UBE2E3: variants seen among roughly 807,000 people sequenced by gnomAD.
UBE2E3 encodes the protein ubiquitin conjugating enzyme E2 E3, also known as ubiquitin-conjugating enzyme E2 E3.
Under a neutral mutation model 23.6 loss-of-function variants are expected in UBE2E3, and 5 were observed. That is an observed-to-expected ratio of 0.21 (90% CI 0.11 to 0.44). The LOEUF (loss-of-function observed/expected upper bound fraction) is 0.44. Among genes scored for constraint, UBE2E3 ranks in the 20% least tolerant of loss-of-function variants. The pLI is 0.99. For missense variants in UBE2E3, 81 were observed against 249.8 expected (o/e 0.32, Z 4.55); for synonymous variants, 78 against 87.5 (o/e 0.89, Z 0.60).
chr2:181,006,401 C>A (rs1685148209), intron 3 of UBE2E3, among the ~76,000 whole-genome samples: 1 of 150,622 alleles, frequency 6.6e-6, no homozygotes. Context: ...TTGCCTTCCA[C>A]CTTTTGCCGT....
intron 3 of UBE2E3, among the ~76,000 whole-genome samples, chr2:181,029,258 T>A (rs530633021): frequency 6.6e-6 from 1 of 152,126 alleles, no homozygotes; most frequent in Admixed American, 6.5e-5. Flanking sequence ...AGGACAAGTA[T>A]CTGTATTTTC....
intron 3 of UBE2E3, among the ~76,000 whole-genome samples, chr2:181,031,129 T>G (rs894074148): frequency 3.3e-5 from 5 of 152,196 alleles, no homozygotes; most frequent in African/African-American, 1.2e-4. Flanking sequence ...TCATACTATT[T>G]TTTTAAAAAA....
chr2:181,056,274 GC>G (rs915238762), intron 3 of UBE2E3, among the ~76,000 whole-genome samples: 26 of 151,684 alleles, frequency 1.7e-4, no homozygotes, highest in Non-Finnish European at 3.5e-4. Flanking sequence ...AGGAGAAGAG[GC>G]TCAAGGGGTA....
chr2:181,038,585 C>T lies in UBE2E3; in HGVS notation c.246-19108C>T, dbSNP rs142403586. Among the ~76,000 whole-genome samples, 192 of 152,130 alleles carry T rather than the reference C, an allele frequency of 1.3e-3. 1 individual carries two copies. Among genetic ancestry groups the T allele is most frequent in the African/African-American group, 4.2e-3 (174 of 41,506 alleles). The stretch of plus-strand genomic sequence containing the variant: ...AAGTAAAAATCTCTTAGGACAAAAG[C>T]AAGAAATAAAATAATTGGCAGGTGG... On this transcript the variant is annotated intron_variant, in intron 3 of 5. Coordinates refer to ENST00000410062, the MANE Select transcript of UBE2E3 (RefSeq NM_006357.4).
chr2:180,995,163 C>G (rs886822758), intron 3 of UBE2E3, among the ~76,000 whole-genome samples: 1 of 151,976 alleles, frequency 6.6e-6, no homozygotes, highest in Non-Finnish European at 1.5e-5. Flanking sequence ...GTGTATTTTA[C>G]TGTGTTTCGT....
chr2:181,021,440 TCTCC>T (rs1319210393), intron 3 of UBE2E3, among the ~76,000 whole-genome samples: 3 of 101,448 alleles, frequency 3.0e-5, no homozygotes, highest in Non-Finnish European at 6.3e-5. Context: ...TTCCTTCCTT[TCTCC>T]CTCCCTCCCT....
intron 3 of UBE2E3, among the ~76,000 whole-genome samples, chr2:180,999,084 A>C (rs1047644070): frequency 2.6e-5 from 4 of 152,150 alleles, no homozygotes; most frequent in Admixed American, 6.5e-5. Context: ...TGAATCCCTA[A>C]ACATAACACC....
At chr2:181,021,726 T>C (rs1404020775) in intron 3 of UBE2E3, among the ~76,000 whole-genome samples, 1 of 149,828 alleles carries the variant, frequency 6.7e-6, no homozygotes, top group Non-Finnish European at 1.5e-5. Flanking sequence ...TCTGTGGTCA[T>C]GGAACCATAT....
rs368124852 is a variant in UBE2E3, at chr2:181,059,146, G to T, written c.378+1321G>T. Among the ~76,000 whole-genome samples, 42 of 151,792 alleles carry T rather than the reference G, an allele frequency of 2.8e-4. No homozygotes were observed. The South Asian group carries it at 7.5e-3, about 27-fold the overall frequency. ...CATCTAATTCTTTAGTGTTCACTCT[G>T]TTGCTGAGATATACAGTATTAACCA... is the stretch of plus-strand genomic sequence containing the variant. On this transcript the variant is annotated intron_variant, in intron 4 of 5. Transcript: ENST00000410062.
intron 3 of UBE2E3, among the ~76,000 whole-genome samples, chr2:180,994,340 T>G (rs1432583384): frequency 6.6e-6 from 1 of 152,148 alleles, no homozygotes; most frequent in African/African-American, 2.4e-5. Context: ...CTTTATCCAG[T>G]TTCAGTAGTT....
intron 3 of UBE2E3, among the ~76,000 whole-genome samples, chr2:181,028,823 G>A (rs188180677): frequency 2.0e-5 from 3 of 151,956 alleles, no homozygotes; most frequent in Non-Finnish European, 4.4e-5. Context: ...TAATGACTTG[G>A]TTCTTTTATG....
rs189081270 is a variant in UBE2E3, at chr2:180,991,001, A to G, written c.245+6908A>G. On this transcript the variant is annotated intron_variant, in intron 3 of 5. Coordinates refer to ENST00000410062, the MANE Select transcript of UBE2E3 (RefSeq NM_006357.4). ...TACTTTATGTAATCTGTTCCACAGT[A>G]ATGTTTCTCGACATTACTGTTTCCA... Among the ~76,000 whole-genome samples the G allele has an allele frequency of 1.2e-3, 178 of 152,310 alleles. 1 individual carries two copies. The highest frequency in any genetic ancestry group is 0.012 in the Admixed American group (177 of 15,296).
chr2:181,059,015 A>G (rs1687059845), intron 4 of UBE2E3, among the ~76,000 whole-genome samples: 2 of 151,822 alleles, frequency 1.3e-5, no homozygotes, highest in African/African-American at 2.4e-5. Flanking sequence ...ATTGGCTAAT[A>G]TAAGAATTTC....
chr2:180,995,677 A>C (rs1684803674), intron 3 of UBE2E3, among the ~76,000 whole-genome samples: 1 of 149,182 alleles, frequency 6.7e-6, no homozygotes, highest in Admixed American at 6.7e-5. Flanking sequence ...ATCTTTCTTC[A>C]TCCTTAGTGT....
At chr2:181,016,250 T>A (rs72883599) in intron 3 of UBE2E3, among the ~76,000 whole-genome samples, 30,474 of 151,626 alleles carry the variant, frequency 0.2, 3,915 homozygotes, top group Non-Finnish European at 0.28. Context: ...TTTTTTTTTT[T>A]AAATTTTTTA....
chr2:181,058,408 G>T (rs1042563430), intron 4 of UBE2E3, among the ~76,000 whole-genome samples: 2 of 151,832 alleles, frequency 1.3e-5, no homozygotes, highest in Admixed American at 1.3e-4. Flanking sequence ...GGATAACAGA[G>T]AACGGGGTGA....
Position 181,039,123 on chromosome 2 carries a change from CTTTTTTTTTTTT to C in UBE2E3, c.246-18556_246-18545del, listed in dbSNP as rs11289425. 1.5e-4 allele frequency among the ~76,000 whole-genome samples: 10 copies of C among 66,254 alleles called. No individual in the cohort carries two copies. The East Asian group carries it at 4.7e-3, about 31-fold the overall frequency. The allele number at this position is 66,254 out of a possible 152,430, so 43.5% of individuals were successfully genotyped here. On this transcript the variant is annotated intron_variant, in intron 3 of 5. Transcript: ENST00000410062. Reference sequence around the variant, plus strand: ...AACCTCCAGTACCTCAGAATGTGACCTTTTTTTTTTTTTTTTTTTTTTTTTGGAAATAGGGTC... The same window carrying C: ...AACCTCCAGTACCTCAGAATGTGACCTTTTTTTTTTTTTGGAAATAGGGTC...
chr2:181,008,142 C>T (rs1046552816), intron 3 of UBE2E3, among the ~76,000 whole-genome samples: 10 of 152,104 alleles, frequency 6.6e-5, no homozygotes, highest in African/African-American at 9.7e-5. Flanking sequence ...GGGATCTCTG[C>T]GGTATAGACA....
intron 3 of UBE2E3, among the ~76,000 whole-genome samples, chr2:181,040,025 A>G (rs1341822321): frequency 6.6e-6 from 1 of 152,200 alleles, no homozygotes; most frequent in Non-Finnish European, 1.5e-5. Flanking sequence ...ACCCATGGGT[A>G]CAGAGGGCTG....
Sources: allele counts gnomAD v4.1 joint callset (sites outside exome capture counted in the v4.1 genomes callset), GRCh38; gene constraint gnomAD v4.1.1; transcripts MANE v1.5; gene names NCBI Gene and HGNC (gene_info 2026-07-23, HGNC 2026-07-21).